Variants in XYLT1 observed in about 807,000 individuals in gnomAD.
XYLT1 encodes the protein beta-D-xylosyltransferase 1.
Under a neutral mutation model 91.3 loss-of-function variants are expected in XYLT1, and 36 were observed. The observed-to-expected ratio is 0.39, with a 90% CI of 0.30 to 0.52. XYLT1 has a LOEUF of 0.52. Among genes scored for constraint, XYLT1 ranks in the 20% least tolerant of loss-of-function variants. XYLT1 has a pLI of 0.68. For synonymous variants in XYLT1, 588 were observed against 532.0 expected, an observed-to-expected ratio of 1.11 and a Z score of -1.45; for missense variants, 1,242 against 1,284.5, an observed-to-expected ratio of 0.97 and a Z score of 0.51.
rs762059225 is a variant in XYLT1, at chr16:17,117,700, T to A, written c.2503A>T (p.Thr835Ser). 5.6e-6 allele frequency: 9 copies of A among 1,613,974 alleles called. No individual in the cohort carries two copies. The highest frequency in any genetic ancestry group is 1.6e-4 in the Middle Eastern group (1 of 6,084). The change falls in exon 11 of 12, where the codon ACC (threonine) becomes TCC (serine). Residue 835 changes from threonine to serine, a missense_variant. This residue lies in a region of XYLT1 where 511 missense variants were observed against 497.0 expected (regional missense o/e 1.03). Transcript: ENST00000261381. ...ILHHWVPVAE[T>S]KFLVAPLTFS... ...GTCAGAGGCGCAACGAGGAATTTGG[T>A]CTCTGCAACTGGCACCCAGTGGTGG...
At chr16:17,131,152 A>AT (rs1237605589) in intron 9 of XYLT1, among the ~76,000 whole-genome samples, 1 of 152,174 alleles carries the variant, frequency 6.6e-6, no homozygotes, top group African/African-American at 2.4e-5. Flanking sequence ...ATCAGTACTT[A>AT]TTGAAGGAGT....
chr16:17,173,695 C>G (rs1015822319), intron 5 of XYLT1, among the ~76,000 whole-genome samples: 4 of 152,374 alleles, frequency 2.6e-5, no homozygotes, highest in African/African-American at 9.6e-5. Context: ...TCAGCAGGTC[C>G]AGCTGAGACG....
intron 3 of XYLT1, among the ~76,000 whole-genome samples, chr16:17,213,801 G>A (rs752125466): frequency 2.0e-5 from 3 of 151,980 alleles, no homozygotes; most frequent in South Asian, 4.2e-4. Context: ...TGTATTTTTA[G>A]TAGAGACAGT....
At chr16:17,202,379 G>A (rs1401325312) in intron 3 of XYLT1, among the ~76,000 whole-genome samples, 1 of 152,216 alleles carries the variant, frequency 6.6e-6, no homozygotes, top group African/African-American at 2.4e-5. Context: ...AGACAAGATT[G>A]ACGTAGATAA....
chr16:17,468,717 G>A (rs1021631698), intron 1 of XYLT1, among the ~76,000 whole-genome samples: 5 of 152,010 alleles, frequency 3.3e-5, no homozygotes, highest in Admixed American at 6.6e-5. Flanking sequence ...TTCAACAGGT[G>A]CTACATGCAT....
intron 1 of XYLT1, among the ~76,000 whole-genome samples, chr16:17,414,083 T>G (rs2036149293): frequency 6.6e-6 from 1 of 152,100 alleles, no homozygotes; most frequent in Non-Finnish European, 1.5e-5. Flanking sequence ...ATTTTCTCCT[T>G]ACTCCTGTCT....
At chr16:17,120,619 T>C (rs1042637462) in intron 10 of XYLT1, among the ~76,000 whole-genome samples, 1 of 152,146 alleles carries the variant, frequency 6.6e-6, no homozygotes, top group Non-Finnish European at 1.5e-5. Flanking sequence ...CTGAGGTACA[T>C]ATCTAAGCAT....
At chr16:17,160,982 C>T (rs976975060) in intron 5 of XYLT1, among the ~76,000 whole-genome samples, 3 of 152,166 alleles carry the variant, frequency 2.0e-5, no homozygotes, top group African/African-American at 4.8e-5. Context: ...GAATACGAGA[C>T]AAGTTAACCT....
At chr16:17,228,862 C>A (rs972202440) in intron 3 of XYLT1, among the ~76,000 whole-genome samples, 3 of 152,164 alleles carry the variant, frequency 2.0e-5, no homozygotes, top group Non-Finnish European at 4.4e-5. Flanking sequence ...TAGATTGTAT[C>A]CTCATTCTAA....
At chr16:17,144,038 G>A (rs1451937190) in intron 6 of XYLT1, among the ~76,000 whole-genome samples, 2 of 152,188 alleles carry the variant, frequency 1.3e-5, no homozygotes, top group East Asian at 3.8e-4. Context: ...TAATTCTCAT[G>A]AAAACCCCAG....
chr16:17,259,328 C>A lies in XYLT1; in HGVS notation c.573G>T (p.Glu191Asp). 1 of 1,614,160 alleles carries A rather than the reference C, an allele frequency of 6.2e-7. No individual in the cohort carries two copies. Among genetic ancestry groups the A allele is most frequent in the Non-Finnish European group, 8.5e-7 (1 of 1,180,034 alleles). ...LAKKPPSRQK[E>D]LLKRKLEQQE... ...GCTGTTCCAGCTTCCTTTTCAAAAG[C>A]TCCTTCTGTCTACTCGGTGGCTTCT... is the stretch of plus-strand genomic sequence containing the variant. The change falls in exon 3 of 12, where the codon GAG (glutamate) becomes GAT (aspartate). Residue 191 changes from glutamate to aspartate, a missense_variant. Glu to Asp is a conservative substitution (Grantham distance 45, BLOSUM62 2). Coordinates refer to ENST00000261381, the MANE Select transcript of XYLT1 (RefSeq NM_022166.4).
chr16:17,254,276 A>G (rs1010690980), intron 3 of XYLT1, among the ~76,000 whole-genome samples: 2 of 152,216 alleles, frequency 1.3e-5, no homozygotes, highest in African/African-American at 4.8e-5. Flanking sequence ...TCAACTCAAC[A>G]TAAAGACAAG....
chr16:17,150,760 A>G (rs1202269712), intron 6 of XYLT1, among the ~76,000 whole-genome samples: 2 of 152,208 alleles, frequency 1.3e-5, no homozygotes, highest in African/African-American at 4.8e-5. Flanking sequence ...CAAATATAAA[A>G]TTACATGCTA....
intron 1 of XYLT1, among the ~76,000 whole-genome samples, chr16:17,456,777 T>C (rs951502356): frequency 1.3e-5 from 2 of 152,200 alleles, no homozygotes; most frequent in Admixed American, 6.5e-5. Flanking sequence ...CCAAGTCTTC[T>C]CTGTGACTGC....
intron 1 of XYLT1, among the ~76,000 whole-genome samples, chr16:17,362,455 T>A (rs1356120933): frequency 1.3e-5 from 2 of 152,220 alleles, no homozygotes; most frequent in African/African-American, 4.8e-5. Flanking sequence ...GAAATGAGTT[T>A]AAAGTGACTC....
At chr16:17,322,506 G>A (rs2034739598) in intron 2 of XYLT1, among the ~76,000 whole-genome samples, 1 of 152,152 alleles carries the variant, frequency 6.6e-6, no homozygotes, top group African/African-American at 2.4e-5. Context: ...TCCAGAATCT[G>A]GCTCACTCCC....
At chr16:17,416,635 A>G (rs1200491099) in intron 1 of XYLT1, among the ~76,000 whole-genome samples, 4 of 151,896 alleles carry the variant, frequency 2.6e-5, no homozygotes, top group South Asian at 2.1e-4. Flanking sequence ...TCCTGCTGGC[A>G]TGTCAATGTC....
chr16:17,431,723 C>T (rs541335429), intron 1 of XYLT1, among the ~76,000 whole-genome samples: 10 of 152,336 alleles, frequency 6.6e-5, no homozygotes, highest in African/African-American at 2.2e-4. Context: ...CGAATCCATT[C>T]GAAGGCAGGC....
At chr16:17,217,822 C>T (rs1198624360) in intron 3 of XYLT1, among the ~76,000 whole-genome samples, 3 of 152,044 alleles carry the variant, frequency 2.0e-5, no homozygotes, top group East Asian at 1.9e-4. Flanking sequence ...TAGACCTTTC[C>T]AAAGAAGCCA....
Sources: allele counts gnomAD v4.1 joint callset (sites outside exome capture counted in the v4.1 genomes callset), GRCh38; gene constraint gnomAD v4.1.1; regional missense constraint gnomAD v4.1.1; transcripts MANE v1.5; gene names NCBI Gene and HGNC (gene_info 2026-07-23, HGNC 2026-07-21).